Variants in DCLK1 observed in about 807,000 individuals in gnomAD.
DCLK1 encodes the protein serine/threonine-protein kinase DCLK1.
Under a neutral mutation model 86.2 loss-of-function variants are expected in DCLK1, and 16 were observed. That is an observed-to-expected ratio of 0.19 (90% CI 0.13 to 0.28). DCLK1 has a LOEUF of 0.28. Ranked by LOEUF, DCLK1 falls within the 10% of genes least tolerant of loss-of-function variation. DCLK1 has a pLI of 1.00. For missense variants in DCLK1, 590 were observed against 940.2 expected (o/e 0.63, Z 4.87); for synonymous variants, 369 against 370.5 (o/e 1.00, Z 0.05).
intron 4 of DCLK1, among the ~76,000 whole-genome samples, chr13:35,917,061 AC>A (rs1875459581): frequency 6.6e-6 from 1 of 151,944 alleles, no homozygotes; most frequent in Non-Finnish European, 1.5e-5. Flanking sequence ...GCCTTGCTTA[AC>A]CCCCCAGTTC....
chr13:35,825,216 C>G (rs7324332), intron 10 of DCLK1, among the ~76,000 whole-genome samples: 101,267 of 152,044 alleles, frequency 0.67, 35,026 homozygotes, highest in Non-Finnish European at 0.75. Flanking sequence ...GCATACCCCA[C>G]CCACATGTCT....
intron 4 of DCLK1, among the ~76,000 whole-genome samples, chr13:35,935,667 T>G (rs1341304257): frequency 6.6e-6 from 1 of 152,160 alleles, no homozygotes; most frequent in South Asian, 2.1e-4. Flanking sequence ...AAGAGAAAGT[T>G]GGAAATGTGG....
rs188340913 is a variant in DCLK1, at chr13:35,881,454, T to G, written c.824-10114A>C. Among the ~76,000 whole-genome samples the G allele has an allele frequency of 1.2e-4, 19 of 152,308 alleles. No homozygotes were observed. The East Asian group carries it at 3.7e-3, about 29-fold the overall frequency. On this transcript the variant is annotated intron_variant, in intron 4 of 16. Transcript: ENST00000360631. Reference sequence around the variant, plus strand: ...CTTTTTTTCTTCTCTAAAGCACTCCTACTCCTCTGCCTGCCTTTGAGTCCC... The same window carrying G: ...CTTTTTTTCTTCTCTAAAGCACTCCGACTCCTCTGCCTGCCTTTGAGTCCC...
chr13:35,990,405 A>C (rs1288706664), intron 3 of DCLK1, among the ~76,000 whole-genome samples: 1 of 151,982 alleles, frequency 6.6e-6, no homozygotes, highest in African/African-American at 2.4e-5. Flanking sequence ...GATGCTCCAG[A>C]ACTTCAGTCC....
chr13:35,811,370 T>C, intron 11 of DCLK1, among the ~76,000 whole-genome samples: 1 of 151,960 alleles, frequency 6.6e-6, no homozygotes. Flanking sequence ...AAGAACACAG[T>C]GCCGATGTAT....
chr13:35,915,401 A>G (rs1875347260), intron 4 of DCLK1, among the ~76,000 whole-genome samples: 1 of 152,146 alleles, frequency 6.6e-6, no homozygotes. Context: ...GGAGTTACCT[A>G]TTCAAAGATG....
At chr13:35,913,043 G>A (rs549137524) in intron 4 of DCLK1, among the ~76,000 whole-genome samples, 26 of 152,298 alleles carry the variant, frequency 1.7e-4, no homozygotes, top group Non-Finnish European at 2.8e-4. Context: ...GGGCACCTCC[G>A]TCGCAAGTCT....
intron 6 of DCLK1, chr13:35,846,939 T>G (rs1021231101): frequency 2.2e-5 from 22 of 985,206 alleles, no homozygotes; most frequent in Admixed American, 6.1e-5. Flanking sequence ...GGCTTTGTTA[T>G]TAAACTTACT....
intron 4 of DCLK1, among the ~76,000 whole-genome samples, chr13:35,939,068 A>G (rs1276341935): frequency 1.3e-5 from 2 of 152,156 alleles, no homozygotes; most frequent in Admixed American, 6.5e-5. Flanking sequence ...AATTGGAACT[A>G]TCACTATGTT....
rs201741601 is a variant in DCLK1, at chr13:35,869,204, G to C, written c.940+2020C>G. 1.8e-3 allele frequency: 816 copies of C among 460,140 alleles called. 2 individuals are homozygous for C. The highest frequency in any genetic ancestry group is 2.7e-3 in the Non-Finnish European group (607 of 228,506). The allele number at this position is 460,140 out of a possible 1,614,324, so 28.5% of individuals were successfully genotyped here. ...CTGGACAAGCTCAGTTCTTCCAGGG[G>C]AGTTTTCCATGCAGCAATTCCAGGA... On this transcript the variant is annotated intron_variant, in intron 5 of 16. Transcript: ENST00000360631.
At chr13:36,072,907 T>C (rs1434192631) in intron 3 of DCLK1, among the ~76,000 whole-genome samples, 2 of 152,204 alleles carry the variant, frequency 1.3e-5, no homozygotes, top group Non-Finnish European at 2.9e-5. Flanking sequence ...TTCTGTTGTA[T>C]CATAATATAT....
At chr13:35,977,132 T>C (rs137948586) in intron 3 of DCLK1, among the ~76,000 whole-genome samples, 1 of 152,230 alleles carries the variant, frequency 6.6e-6, no homozygotes, top group Non-Finnish European at 1.5e-5. Flanking sequence ...TGTGTGTATA[T>C]ATATACAGAG....
rs868442900 is a variant in DCLK1 at position 35,966,656 on chromosome 13, C to T, written c.724-19199G>A. On this transcript the variant is annotated intron_variant, in intron 3 of 16. Coordinates refer to ENST00000360631, the MANE Select transcript of DCLK1 (RefSeq NM_001330071.2). ...AGTGCCTGGGATTGCAGGCGCGCAC[C>T]GCCACGCCTGACTGGTTTTCGTATT... Among the ~76,000 whole-genome samples the T allele has an allele frequency of 5.3e-4, 80 of 152,098 alleles. 1 individual carries two copies. Among genetic ancestry groups the T allele is most frequent in the African/African-American group, 1.8e-3 (76 of 41,498 alleles).
At position 35,848,771 on chromosome 13, in the gene DCLK1, G is replaced by C. The variant is rs1383931172; in HGVS notation, c.1035+5728C>G. 5.1e-6 allele frequency: 5 copies of C among 985,140 alleles called. No individual in the cohort carries two copies. The African/African-American group carries it at 8.7e-5, about 17-fold the overall frequency. 61.0% of individuals were successfully genotyped at this position (985,140 alleles called of 1,614,324 possible). A position where few individuals can be genotyped will look rare whatever the true frequency, so the allele number is the denominator to read the frequency against. On this transcript the variant is annotated intron_variant, in intron 6 of 16. Transcript: ENST00000360631. ...CCAGTTTTAAAGTAACTGTTCCACT[G>C]CTTTCTTTGTATTTTTGGCAGTTTA...
chr13:35,976,317 C>G (rs1223343788), intron 3 of DCLK1, among the ~76,000 whole-genome samples: 3 of 151,916 alleles, frequency 2.0e-5, no homozygotes, highest in African/African-American at 4.8e-5. Context: ...AGCTGCAGCC[C>G]AGATGGAAGC....
rs893209128 is a variant in DCLK1, at chr13:36,111,359, C to A, written c.723+510G>T. 2.6e-5 allele frequency among the ~76,000 whole-genome samples: 4 copies of A among 152,218 alleles called. No individual in the cohort carries two copies. In the South Asian group the frequency reaches 8.3e-4, roughly 32 times the overall value. ...AGATGCGTACTATTCTAGAAATATG[C>A]CTTTAAAGCTATCCAGATGGAAATA... On this transcript the variant is annotated intron_variant, in intron 3 of 16. Coordinates refer to ENST00000360631, the MANE Select transcript of DCLK1 (RefSeq NM_001330071.2).
At chr13:36,111,730 G>A in intron 3 of DCLK1, 139 bp downstream of exon 3, 1 of 674,282 alleles carries the variant, frequency 1.5e-6, no homozygotes, top group Non-Finnish European at 2.5e-6. Flanking sequence ...CTGTTCTAGG[G>A]CCAGCAAGTA....
chr13:35,812,039 C>T (rs964106867), intron 11 of DCLK1, among the ~76,000 whole-genome samples: 1 of 152,132 alleles, frequency 6.6e-6, no homozygotes, highest in Non-Finnish European at 1.5e-5. Context: ...AGTCAGCATC[C>T]TGTCCAGGTT....
intron 15 of DCLK1, chr13:35,805,460 C>G: frequency 2.3e-6 from 1 of 431,272 alleles, no homozygotes; most frequent in Non-Finnish European, 4.1e-6. Flanking sequence ...CTATGCCCAG[C>G]TAATTTTTTG....
Sources: allele counts gnomAD v4.1 joint callset (sites outside exome capture counted in the v4.1 genomes callset), GRCh38; gene constraint gnomAD v4.1.1; transcripts MANE v1.5; gene names NCBI Gene and HGNC (gene_info 2026-07-23, HGNC 2026-07-21).